The following MAPDA variants were observed in gnomAD, a reference collection of about 807,000 sequenced individuals.
MAPDA encodes N6,N6-dimethyl-AMP deaminase.
the MAPDA span, among the ~76,000 whole-genome samples, chr15:43,347,741 T>C: frequency 2.0e-5 from 3 of 152,242 alleles, no homozygotes; most frequent in African/African-American, 4.8e-5. Context: ...ATACTTAGTC[T>C]ACTTACCTCA....
chr15:43,332,519 G>C, the MAPDA span: 1 of 152,146 alleles, frequency 6.6e-6, no homozygotes, highest in African/African-American at 2.4e-5. Flanking sequence ...ATCAAGAAAA[G>C]TAATTAAAGA....
the MAPDA span, among the ~76,000 whole-genome samples, chr15:43,340,054 T>G: frequency 6.6e-6 from 1 of 152,154 alleles, no homozygotes; most frequent in African/African-American, 2.4e-5. Context: ...AATGTGGGAA[T>G]GAGGGGTGAT....
At chr15:43,335,868 A>G in the MAPDA span, 3 of 1,585,706 alleles carry the variant, frequency 1.9e-6, no homozygotes, top group African/African-American at 1.4e-5. Flanking sequence ...TTTTTTCTCT[A>G]TCAGTATTTT....
At chr15:43,330,529 T>G in the MAPDA span, 1 of 1,507,538 alleles carries the variant, frequency 6.6e-7, no homozygotes, top group African/African-American at 1.4e-5. Flanking sequence ...GTCACGGTTG[T>G]GAGCCGCCCC....
the MAPDA span, chr15:43,352,154 C>A: frequency 2.4e-6 from 1 of 410,994 alleles, no homozygotes; most frequent in Non-Finnish European, 4.3e-6. Flanking sequence ...TGGGACTTGA[C>A]TGTTGTTGCT....
the MAPDA span, among the ~76,000 whole-genome samples, chr15:43,341,214 T>C: frequency 7.2e-5 from 11 of 152,310 alleles, no homozygotes; most frequent in African/African-American, 2.6e-4. Flanking sequence ...TTGAAACTTA[T>C]TGTAAAGTAT....
the MAPDA span, chr15:43,332,013 G>A: frequency 1.3e-5 from 2 of 152,168 alleles, no homozygotes; most frequent in Non-Finnish European, 2.9e-5. Context: ...AGAGTAACTT[G>A]GAATAGATAG....
the MAPDA span, chr15:43,342,993 G>C: frequency 6.4e-7 from 1 of 1,569,658 alleles, no homozygotes; most frequent in Non-Finnish European, 8.6e-7. Flanking sequence ...GTCCTTTCTA[G>C]GAATGACTAA....
the MAPDA span, chr15:43,336,692 A>T: frequency 6.5e-7 from 1 of 1,532,598 alleles, no homozygotes; most frequent in East Asian, 2.5e-5. Context: ...TAATGGTAAG[A>T]CATGAAGGAA....
chr15:43,353,719 C>T, the MAPDA span: 1 of 152,238 alleles, frequency 6.6e-6, no homozygotes, highest in African/African-American at 2.4e-5. Flanking sequence ...CATAAAACTC[C>T]AGAAGAACAG....
At chr15:43,339,325 A>G in the MAPDA span, among the ~76,000 whole-genome samples, 1 of 152,336 alleles carries the variant, frequency 6.6e-6, no homozygotes, top group Non-Finnish European at 1.5e-5. Context: ...CTCTTGATGA[A>G]ACTGAGCTAC....
the MAPDA span, chr15:43,343,217 T>G: frequency 3.7e-3 from 2,061 of 557,418 alleles, 49 homozygotes; most frequent in African/African-American, 0.037. Flanking sequence ...AGGACCCTGT[T>G]GTTTAAAGTG....
the MAPDA span, among the ~76,000 whole-genome samples, chr15:43,339,002 G>A: frequency 6.6e-6 from 1 of 152,220 alleles, no homozygotes; most frequent in Non-Finnish European, 1.5e-5. Flanking sequence ...ACAGCTTTCT[G>A]CATTAGTCTC....
the MAPDA span, chr15:43,349,452 T>G: frequency 1.5e-6 from 1 of 645,784 alleles, no homozygotes; most frequent in Non-Finnish European, 1.9e-6. Flanking sequence ...CACACTTGAT[T>G]GTCTATGTGT....
chr15:43,349,202 GAA>G, the MAPDA span: 12 of 1,428,682 alleles, frequency 8.4e-6, no homozygotes, highest in Non-Finnish European at 1.1e-5. Flanking sequence ...ATTTAAAACA[GAA>G]AGCTTTAGCT....
chr15:43,351,794 A>G, the MAPDA span: 2 of 1,551,452 alleles, frequency 1.3e-6, no homozygotes, highest in Admixed American at 2.0e-5. Flanking sequence ...TCTCAAGAGT[A>G]CCAGCTGGCA....
At chr15:43,332,761 G>A in the MAPDA span, among the ~76,000 whole-genome samples, 1 of 152,182 alleles carries the variant, frequency 6.6e-6, no homozygotes, top group Admixed American at 6.5e-5. Context: ...GTTCCCTTTT[G>A]GGGGAGTAGG....
At chr15:43,336,462 A>G in the MAPDA span, among the ~76,000 whole-genome samples, 1 of 152,170 alleles carries the variant, frequency 6.6e-6, no homozygotes, top group East Asian at 1.9e-4. Flanking sequence ...TTTATTTTCT[A>G]TCATTTGATT....
chr15:43,335,686 T>C, the MAPDA span: 8 of 1,599,182 alleles, frequency 5.0e-6, 1 homozygote, highest in African/African-American at 6.8e-5. Context: ...TTACTGGTTG[T>C]ATCTCTTAGG....
Sources: allele counts gnomAD v4.1 joint callset (sites outside exome capture counted in the v4.1 genomes callset), GRCh38; gene constraint gnomAD v4.1.1; transcripts MANE v1.5; gene names NCBI Gene and HGNC (gene_info 2026-07-23, HGNC 2026-07-21).